ASB18: variants seen among roughly 807,000 people sequenced by gnomAD.
ASB18 encodes ankyrin repeat and SOCS box protein 18.
A neutral mutation model predicts 33.4 loss-of-function variants in ASB18; 33 were observed. The observed-to-expected ratio is 0.99, with a 90% CI of 0.75 to 1.32. ASB18 has a LOEUF of 1.32. Ranked by LOEUF, ASB18 falls within the 40% of genes most tolerant of loss-of-function variation. The probability of loss-of-function intolerance (pLI) is 0.00; values close to 1 mark genes in which losing one functional copy is unlikely to be tolerated. For missense variants in ASB18, 694 were observed against 655.5 expected (o/e 1.06, Z -0.64); for synonymous variants, 295 against 307.6 (o/e 0.96, Z 0.43).
Position 236,238,386 on chromosome 2 carries a change from T to C in ASB18, c.329-430A>G, listed in dbSNP as rs1444222350. Among the ~76,000 whole-genome samples, 4 of 152,128 alleles carry C rather than the reference T, an allele frequency of 2.6e-5. No individual in the cohort carries two copies. Among genetic ancestry groups the C allele is most frequent in the African/African-American group, 4.8e-5 (2 of 41,418 alleles). ...AAAGAGGAAAGTGGGTTGTGGAATTTTCCCGAATCCAGCACTCCCTTAGCT... is the reference window on the plus strand; with the variant it reads ...AAAGAGGAAAGTGGGTTGTGGAATTCTCCCGAATCCAGCACTCCCTTAGCT... On this transcript the variant is annotated intron_variant, in intron 2 of 5. Coordinates refer to ENST00000409749, the MANE Select transcript of ASB18 (RefSeq NM_212556.4). The surrounding 1 kb of genome is among the most constrained non-coding windows in gnomAD (Gnocchi z 5.2).
rs1490359618 is a variant in ASB18 at position 236,241,288 on chromosome 2, C to T, written c.320G>A (p.Gly107Glu). 1 of 1,613,860 alleles carries T rather than the reference C, an allele frequency of 6.2e-7. No homozygotes were observed. The highest frequency in any genetic ancestry group is 1.3e-5 in the African/African-American group (1 of 75,038). ...TTAAAGAACAAGGGTACCTGATAGT[C>T]CAAACGTGGCTGGAGATTTCACCTG... ...EWQVKSPATFGLSGLWTLEYK... is the reference protein window; with the variant it reads ...EWQVKSPATFELSGLWTLEYK... Residue 107 changes from glycine (G) to glutamate (E), a missense_variant, in exon 2 of 6, where the codon GGA becomes GAA. Gly to Glu is a moderately conservative substitution (Grantham distance 98). Coordinates refer to ENST00000409749, the MANE Select transcript of ASB18 (RefSeq NM_212556.4). This position sits in a 1 kb window ranked among gnomAD's most constrained non-coding sequence, Gnocchi z 4.2.
Position 236,263,583 on chromosome 2 carries a change from T to C in ASB18, c.205+558A>G, listed in dbSNP as rs116221313. ...AAATGTTATGTTCTTGTTCCAGTTA[T>C]ATGGCTCCTAGGAATTTATGGTAAG... On this transcript the variant is annotated intron_variant, in intron 1 of 5. Transcript: ENST00000409749. This position sits in a 1 kb window ranked among gnomAD's most constrained non-coding sequence, Gnocchi z 4.0. Among the ~76,000 whole-genome samples, 592 of 152,324 alleles carry C rather than the reference T, an allele frequency of 3.9e-3. 5 individuals carry two copies. Among genetic ancestry groups the C allele is most frequent in the African/African-American group, 0.013 (551 of 41,574 alleles).
chr2:236,240,766 T>C (rs2060617823), intron 2 of ASB18, among the ~76,000 whole-genome samples: 1 of 152,214 alleles, frequency 6.6e-6, no homozygotes, highest in African/African-American at 2.4e-5. Context: ...TCTTCCTTTT[T>C]CCTTCCCCAT....
Position 236,252,950 on chromosome 2 carries a change from G to C in ASB18, c.205+11191C>G, listed in dbSNP as rs1339721002. 1.3e-5 allele frequency among the ~76,000 whole-genome samples: 2 copies of C among 152,218 alleles called. No homozygotes were observed. Among genetic ancestry groups the C allele is most frequent in the African/African-American group, 4.8e-5 (2 of 41,458 alleles). On this transcript the variant is annotated intron_variant, in intron 1 of 5. Transcript: ENST00000409749. This position sits in a 1 kb window ranked among gnomAD's most constrained non-coding sequence, Gnocchi z 7.9. Reference sequence around the variant, plus strand: ...CCAGTGATGGATCCAGGTGCAGCTAGAGCTGTCCTGCCATTTTGGCCCCAT... The same window carrying C: ...CCAGTGATGGATCCAGGTGCAGCTACAGCTGTCCTGCCATTTTGGCCCCAT...
At chr2:236,197,551 A>G (rs2060379916) in intron 4 of ASB18, among the ~76,000 whole-genome samples, 1 of 152,148 alleles carries the variant, frequency 6.6e-6, no homozygotes, top group Admixed American at 6.6e-5. Context: ...GACCAAATTC[A>G]GTTGCCAGGC....
rs2060721648 is a variant in ASB18 at position 236,262,125 on chromosome 2, C to T, written c.205+2016G>A. Among the ~76,000 whole-genome samples the T allele has an allele frequency of 6.6e-6, 1 of 152,188 alleles. No individual in the cohort carries two copies. Among genetic ancestry groups the T allele is most frequent in the Non-Finnish European group, 1.5e-5 (1 of 68,038 alleles). On this transcript the variant is annotated intron_variant, in intron 1 of 5. Transcript: ENST00000409749. The surrounding 1 kb of genome is among the most constrained non-coding windows in gnomAD (Gnocchi z 5.2). ...GTTTCAAGTGTTTGGTAAAATGAGACACACAGTAAAGATTTTGCAGGGCAA... is the reference window on the plus strand; with the variant it reads ...GTTTCAAGTGTTTGGTAAAATGAGATACACAGTAAAGATTTTGCAGGGCAA...
In ASB18 at chr2:236,259,666, G is replaced by A. The variant is rs1197161109; in HGVS notation, c.205+4475C>T. The A allele has an allele frequency of 1.3e-5, 6 of 455,152 alleles. No homozygotes were observed. The highest frequency in any genetic ancestry group is 1.4e-4 in the East Asian group (2 of 14,034). 28.2% of individuals were successfully genotyped at this position (455,152 alleles called of 1,614,324 possible). ...GGGATGGGGATGCTGACTGTAGAGC[G>A]TGGGGGGCTCAGCCTCAGTGAGCCC... On this transcript the variant is annotated intron_variant, in intron 1 of 5. Transcript: ENST00000409749. This position sits in a 1 kb window ranked among gnomAD's most constrained non-coding sequence, Gnocchi z 4.4.
chr2:236,258,767 TACATG>T (rs1017070907), intron 1 of ASB18, among the ~76,000 whole-genome samples: 3 of 152,178 alleles, frequency 2.0e-5, no homozygotes, highest in Non-Finnish European at 4.4e-5. Flanking sequence ...TCCCCACCTA[TACATG>T]ACGCTGGTGA....
In ASB18 at chr2:236,255,426, G is replaced by T. The variant is rs574416699; in HGVS notation, c.205+8715C>A. ...ATCAAAGTGCTGGGATTAGAGGTGTGAGCCACTGCGCCTGGCCTGGTATTT... is the reference window on the plus strand; with the variant it reads ...ATCAAAGTGCTGGGATTAGAGGTGTTAGCCACTGCGCCTGGCCTGGTATTT... On this transcript the variant is annotated intron_variant, in intron 1 of 5. Coordinates refer to ENST00000409749, the MANE Select transcript of ASB18 (RefSeq NM_212556.4). This position sits in a 1 kb window ranked among gnomAD's most constrained non-coding sequence, Gnocchi z 4.4. 1.3e-5 allele frequency among the ~76,000 whole-genome samples: 2 copies of T among 152,232 alleles called. No homozygotes were observed. Among genetic ancestry groups the T allele is most frequent in the Non-Finnish European group, 2.9e-5 (2 of 68,038 alleles).
rs1328179664 is a variant in ASB18, at chr2:236,256,735, T to C, written c.205+7406A>G. On this transcript the variant is annotated intron_variant, in intron 1 of 5. Coordinates refer to ENST00000409749, the MANE Select transcript of ASB18 (RefSeq NM_212556.4). This position sits in a 1 kb window ranked among gnomAD's most constrained non-coding sequence, Gnocchi z 4.7. ...TTAGTCTAATTGCAATTTCACTGTGTTCCACAGGCAGTGACAGTTCATACT... is the reference window on the plus strand; with the variant it reads ...TTAGTCTAATTGCAATTTCACTGTGCTCCACAGGCAGTGACAGTTCATACT... 6.6e-6 allele frequency among the ~76,000 whole-genome samples: 1 copy of C among 152,174 alleles called. No homozygotes were observed. The highest frequency in any genetic ancestry group is 1.5e-5 in the Non-Finnish European group (1 of 68,012).
At position 236,253,462 on chromosome 2, in the gene ASB18, G is replaced by A. The variant is rs36170631; in HGVS notation, c.205+10679C>T. 6.6e-6 allele frequency among the ~76,000 whole-genome samples: 1 copy of A among 152,082 alleles called. No homozygotes were observed. The highest frequency in any genetic ancestry group is 1.5e-5 in the Non-Finnish European group (1 of 68,028). On this transcript the variant is annotated intron_variant, in intron 1 of 5. Transcript: ENST00000409749. The surrounding 1 kb of genome is among the most constrained non-coding windows in gnomAD (Gnocchi z 5.4). The stretch of plus-strand genomic sequence containing the variant: ...GCACAGTCATAGCTCACTGTAACCT[G>A]AACTCCTGGGCGCAAGCGATCCTTC...
rs552253608 is a variant in ASB18, at chr2:236,213,507, A to C, written c.1101+855T>G. 6.6e-6 allele frequency among the ~76,000 whole-genome samples: 1 copy of C among 152,240 alleles called. No homozygotes were observed. Among genetic ancestry groups the C allele is most frequent in the Non-Finnish European group, 1.5e-5 (1 of 68,048 alleles). On this transcript the variant is annotated intron_variant, in intron 4 of 5. Coordinates refer to ENST00000409749, the MANE Select transcript of ASB18 (RefSeq NM_212556.4). This position sits in a 1 kb window ranked among gnomAD's most constrained non-coding sequence, Gnocchi z 4.8. ...GATGGAGATAATTTTTAAATTAAAC[A>C]CACCCGGATTTTACATCTAATGGAA...
At chr2:236,236,514 C>T (rs545799750) in intron 3 of ASB18, among the ~76,000 whole-genome samples, 3 of 152,114 alleles carry the variant, frequency 2.0e-5, no homozygotes, top group Non-Finnish European at 4.4e-5. Flanking sequence ...AAACACGTGC[C>T]GCTTGCTGAA....
At position 236,237,593 on chromosome 2, in the gene ASB18, A is replaced by ACGGAGG. The variant is rs986980519; in HGVS notation, c.596+90_596+95dup. ...TCTGGGTCCGGAGGCGGGGGCTGGG[A>ACGGAGG]CGGAGGCGGAGGCGGGGTCGGCGGT... On this transcript the variant is annotated intron_variant, in intron 3 of 5. Transcript: ENST00000409749. This position sits in a 1 kb window ranked among gnomAD's most constrained non-coding sequence, Gnocchi z 6.2. The ACGGAGG allele has an allele frequency of 5.8e-6, 6 of 1,032,442 alleles. No individual in the cohort carries two copies. The highest frequency in any genetic ancestry group is 6.3e-6 in the Non-Finnish European group (5 of 794,644). The allele number at this position is 1,032,442 out of a possible 1,614,324, so 64.0% of individuals were successfully genotyped here.
In ASB18 at chr2:236,256,355, T is replaced by A. The variant is rs539279338; in HGVS notation, c.205+7786A>T. Among the ~76,000 whole-genome samples, 18 of 152,282 alleles carry A rather than the reference T, an allele frequency of 1.2e-4. No homozygotes were observed. In the South Asian group the frequency reaches 3.3e-3, roughly 28 times the overall value. ...AAGTATTTATTAGGTACCTAGTATG[T>A]GCAGGATGTGGCAAATAAGACAAAC... On this transcript the variant is annotated intron_variant, in intron 1 of 5. Transcript: ENST00000409749. The surrounding 1 kb of genome is among the most constrained non-coding windows in gnomAD (Gnocchi z 4.7).
chr2:236,241,073 C>A lies in ASB18; in HGVS notation c.328+207G>T, dbSNP rs1331784128. 6.6e-6 allele frequency among the ~76,000 whole-genome samples: 1 copy of A among 152,182 alleles called. No individual in the cohort carries two copies. Among genetic ancestry groups the A allele is most frequent in the African/African-American group, 2.4e-5 (1 of 41,446 alleles). On this transcript the variant is annotated intron_variant, in intron 2 of 5. Transcript: ENST00000409749. This position sits in a 1 kb window ranked among gnomAD's most constrained non-coding sequence, Gnocchi z 4.2. ...TCATCGGATAGGCATTCCCACCAAT[C>A]GCTGCTTTGCCTTTCCAACTGGATC...
In ASB18 at chr2:236,252,304, C is replaced by CACACACACAG. The variant is rs2060672027; in HGVS notation, c.206-10903_206-10902insCTGTGTGTGT. Among the ~76,000 whole-genome samples, 3 of 144,782 alleles carry CACACACACAG rather than the reference C, an allele frequency of 2.1e-5. No homozygotes were observed. The highest frequency in any genetic ancestry group is 4.4e-5 in the Non-Finnish European group (3 of 67,694). The allele number at this position is 144,782 out of a possible 152,430, so 95.0% of individuals were successfully genotyped here. A position where few individuals can be genotyped will look rare whatever the true frequency, so the allele number is the denominator to read the frequency against. ...ACACACACACACACACACACACACA[C>CACACACACAG]ACACAGTAGAAATCCTTGCCTTTAA... On this transcript the variant is annotated intron_variant, in intron 1 of 5. Transcript: ENST00000409749. This position sits in a 1 kb window ranked among gnomAD's most constrained non-coding sequence, Gnocchi z 7.9.
chr2:236,234,665 G>C lies in ASB18; in HGVS notation c.596+3024C>G, dbSNP rs185441830. On this transcript the variant is annotated intron_variant, in intron 3 of 5. Coordinates refer to ENST00000409749, the MANE Select transcript of ASB18 (RefSeq NM_212556.4). This position sits in a 1 kb window ranked among gnomAD's most constrained non-coding sequence, Gnocchi z 4.1. Reference sequence around the variant, plus strand: ...AAAGGTGCAAAGACCGTTTGGTGGAGAAAGGAAGGGTTTAGATTCACAAAT... The same window carrying C: ...AAAGGTGCAAAGACCGTTTGGTGGACAAAGGAAGGGTTTAGATTCACAAAT... Among the ~76,000 whole-genome samples, 11 of 152,326 alleles carry C rather than the reference G, an allele frequency of 7.2e-5. No individual in the cohort carries two copies. In the East Asian group the frequency reaches 1.9e-3, roughly 27 times the overall value.
rs1185759062 is a variant in ASB18, at chr2:236,250,100, T to A, written c.206-8698A>T. 1 of 152,244 alleles carries A rather than the reference T, an allele frequency of 6.6e-6. No homozygotes were observed. The highest frequency in any genetic ancestry group is 1.9e-4 in the East Asian group (1 of 5,198). The allele number at this position is 152,244 out of a possible 1,614,324, so 9.4% of individuals were successfully genotyped here. A position where few individuals can be genotyped will look rare whatever the true frequency, so the allele number is the denominator to read the frequency against. ...AAGGGTAAAATCCACCTTGAAATTA[T>A]AATGGGGTATCCACATGGTAGTGTT... On this transcript the variant is annotated intron_variant, in intron 1 of 5. Transcript: ENST00000409749. This position sits in a 1 kb window ranked among gnomAD's most constrained non-coding sequence, Gnocchi z 4.1.
Sources: gnomAD v4.1 joint callset for allele counts (sites outside exome capture counted in the v4.1 genomes callset) on GRCh38, gnomAD v4.1.1 for gene constraint, Gnocchi (gnomAD v3.1) non-coding constraint, MANE v1.5 for transcripts, NCBI Gene and HGNC (gene_info 2026-07-23, HGNC 2026-07-21) for gene names.